ZNF433: variants seen among roughly 807,000 people sequenced by gnomAD.
The protein encoded by ZNF433 is zinc finger protein 433.
ZNF433 carries 12 observed loss-of-function variants against 10.6 expected under a neutral mutation model. The observed-to-expected ratio is 1.13, with a 90% CI of 0.72 to 1.83. The LOEUF (loss-of-function observed/expected upper bound fraction) is 1.83. Ranked by LOEUF, ZNF433 falls within the 40% of genes most tolerant of loss-of-function variation. The probability of loss-of-function intolerance (pLI) is 0.00; values close to 1 mark genes in which losing one functional copy is unlikely to be tolerated. For missense variants in ZNF433, 737 were observed against 798.0 expected, an observed-to-expected ratio of 0.92 and a Z score of 0.92; for synonymous variants, 272 against 271.3, an observed-to-expected ratio of 1.00 and a Z score of -0.02.
Position 12,016,356 on chromosome 19 carries a change from C to T in ZNF433, c.502G>A (p.Val168Ile). The change falls in exon 4 of 4, where the codon GTT becomes ATT. Residue 168 changes from valine to isoleucine, a missense_variant. By Grantham distance (29) the Val-to-Ile change is conservative. Coordinates refer to ENST00000550507, the MANE Select transcript of ZNF433 (RefSeq NM_001308348.2). ...AATGTTTTTCCGCATTCCTCACAAA[C>T]ATAGAGTTTCCTTCCACTATGAGCC... ...ERAHSGRKLY[V>I]CEECGKTFIS... 2 of 1,614,180 alleles carry T rather than the reference C, an allele frequency of 1.2e-6. No homozygotes were observed. Among genetic ancestry groups the T allele is most frequent in the Non-Finnish European group, 1.7e-6 (2 of 1,180,020 alleles).
At position 12,016,009 on chromosome 19, in the gene ZNF433, C is replaced by G. The variant is rs766188864; in HGVS notation, c.849G>C (p.Gln283His). 1 of 1,613,460 alleles carries G rather than the reference C, an allele frequency of 6.2e-7. No individual in the cohort carries two copies. The highest frequency in any genetic ancestry group is 1.1e-5 in the South Asian group (1 of 91,044). Reference protein sequence around the residue: ...HTGEKPYECKQCGKAFSSSHS... With the variant: ...HTGEKPYECKHCGKAFSSSHS... ...GGGAAGAGCTGAAGGCTTTCCCACA[C>G]TGTTTACATTCATATGGCTTCTCCC... is the stretch of plus-strand genomic sequence containing the variant. Residue 283 changes from glutamine (Q) to histidine (H), a missense_variant, in exon 4 of 4, where the codon CAG (glutamine) becomes CAC (histidine). By Grantham distance (24) the Gln-to-His change is conservative. Coordinates refer to ENST00000550507, the MANE Select transcript of ZNF433 (RefSeq NM_001308348.2).
chr19:12,026,395 A>T (rs949226753), intron 1 of ZNF433: 35 of 299,438 alleles, frequency 1.2e-4, no homozygotes, highest in Middle Eastern at 1.2e-3. Context: ...TGGCAGAGAA[A>T]AACCTGAGAA....
chr19:12,028,593 C>T (rs1402676369), intron 1 of ZNF433, among the ~76,000 whole-genome samples: 1 of 152,218 alleles, frequency 6.6e-6, no homozygotes, highest in Non-Finnish European at 1.5e-5. Flanking sequence ...TATCAGTGCA[C>T]ATGGAAATAC....
rs763534522 is a variant in ZNF433, at chr19:12,016,626, G to A, written c.232C>T (p.Gln78Ter). 5 of 1,613,994 alleles carry A rather than the reference G, an allele frequency of 3.1e-6. No individual in the cohort carries two copies. Among genetic ancestry groups the A allele is most frequent in the Non-Finnish European group, 3.4e-6 (4 of 1,180,014 alleles). ...ACCTGGGTCAAAATTTCTCCATGCT[G>A]ATGACCTTCTTTACTTTCAAAGAGT... ...ERLFESKEGH[Q>*]HGEILTQVPD... Residue 78 changes from glutamine (Q) to a stop codon, truncating the protein, a stop_gained, in exon 4 of 4, where the codon CAG becomes TAG. Coordinates refer to ENST00000550507, the MANE Select transcript of ZNF433 (RefSeq NM_001308348.2). LOFTEE classifies it low-confidence loss of function (END_TRUNC).
At chr19:12,027,543 C>A (rs1255369870) in intron 1 of ZNF433, among the ~76,000 whole-genome samples, 1 of 152,208 alleles carries the variant, frequency 6.6e-6, no homozygotes, top group Non-Finnish European at 1.5e-5. Context: ...GCAATCTGGG[C>A]CTTAAGGACA....
At chr19:12,031,939 CTT>C (rs1323007506) in intron 1 of ZNF433, among the ~76,000 whole-genome samples, 1 of 126,998 alleles carries the variant, frequency 7.9e-6, no homozygotes, top group Non-Finnish European at 1.7e-5. Flanking sequence ...TTTTCTTTCT[CTT>C]TTTCTTTTTT....
chr19:12,026,178 G>C (rs1175868112), intron 1 of ZNF433: 1 of 156,128 alleles, frequency 6.4e-6, no homozygotes, highest in African/African-American at 2.4e-5. Flanking sequence ...TAGAGGTTAT[G>C]CTTGTGTTTC....
At chr19:12,027,319 A>G (rs1331639637) in intron 1 of ZNF433, 1 of 318,016 alleles carries the variant, frequency 3.1e-6, no homozygotes, top group Admixed American at 4.9e-5. Context: ...CTTTGCTTTT[A>G]TTGTCTTGCA....
rs1328621968 is a variant in ZNF433, at chr19:12,026,547, A to G, written c.4-8255T>C. ...GCATATTTATCAATCTTGGCTGGCA[A>G]TAATGCCTGGATGTGATCACTCTAT... is the stretch of plus-strand genomic sequence containing the variant. On this transcript the variant is annotated intron_variant, in intron 1 of 3. Transcript: ENST00000550507. The G allele has an allele frequency of 5.6e-5, 20 of 356,468 alleles. No homozygotes were observed. The Admixed American group carries it at 6.9e-4, about 12-fold the overall frequency. 22.1% of individuals were successfully genotyped at this position (356,468 alleles called of 1,614,324 possible). A position where few individuals can be genotyped will look rare whatever the true frequency, so the allele number is the denominator to read the frequency against.
chr19:12,022,529 G>C (rs1051784392), intron 1 of ZNF433, among the ~76,000 whole-genome samples: 2 of 152,100 alleles, frequency 1.3e-5, no homozygotes, highest in Admixed American at 1.3e-4. Context: ...TACATGTGTG[G>C]GTCTTGAACC....
In ZNF433 at chr19:12,016,225, A is replaced by T; in HGVS notation, c.633T>A (p.Leu211=). Reference sequence around the variant, plus strand: ...CTCCAGTGTGAGTTCGTTTGTGGATAAGATACAAACTGAGAAACATCAAGG... The same window carrying T: ...CTCCAGTGTGAGTTCGTTTGTGGATTAGATACAAACTGAGAAACATCAAGG... ...GKALMFLSLY[L]IHKRTHTGEK... is the part of the protein sequence containing the mutation. Residue 211 remains leucine (L), a synonymous_variant, in exon 4 of 4, where the codon CTT becomes CTA. Coordinates refer to ENST00000550507, the MANE Select transcript of ZNF433 (RefSeq NM_001308348.2). The T allele has an allele frequency of 6.2e-7, 1 of 1,614,198 alleles. No individual in the cohort carries two copies. The highest frequency in any genetic ancestry group is 1.3e-5 in the African/African-American group (1 of 75,044).
At chr19:12,023,815 A>T (rs1186461660) in intron 1 of ZNF433, 1 of 152,168 alleles carries the variant, frequency 6.6e-6, no homozygotes. Flanking sequence ...TTTTACTGCA[A>T]CAATGGGGAG....
At position 12,016,121 on chromosome 19, in the gene ZNF433, G is replaced by A. The variant is rs780421586; in HGVS notation, c.737C>T (p.Thr246Ile). Residue 246 changes from threonine (T) to isoleucine (I), a missense_variant, in exon 4 of 4, where the codon ACT (threonine) becomes ATT (isoleucine). Transcript: ENST00000550507. ...ATTACATTTATAAGGCTTCTCCCCA[G>A]TGTGAGTTCTTTCATGTATTCGAAG... ...SSLRIHERTH[T>I]GEKPYKCNEC... is the part of the protein sequence containing the mutation. 1.2e-6 allele frequency: 2 copies of A among 1,614,192 alleles called. No homozygotes were observed. Among genetic ancestry groups the A allele is most frequent in the Non-Finnish European group, 1.7e-6 (2 of 1,180,034 alleles).
chr19:12,017,198 TTTTTG>T (rs1245699759), intron 3 of ZNF433, among the ~76,000 whole-genome samples: 4 of 151,854 alleles, frequency 2.6e-5, no homozygotes, highest in East Asian at 1.9e-4. Flanking sequence ...TTTTTGGTTT[TTTTTG>T]TTTTGTTTTG....
At chr19:12,020,357 GC>G (rs1445541142) in intron 1 of ZNF433, among the ~76,000 whole-genome samples, 1 of 152,122 alleles carries the variant, frequency 6.6e-6, no homozygotes, top group Non-Finnish European at 1.5e-5. Context: ...ATGAAGTGGT[GC>G]TCAACATCAG....
At chr19:12,031,121 C>A (rs922169559) in intron 1 of ZNF433, among the ~76,000 whole-genome samples, 1 of 151,872 alleles carries the variant, frequency 6.6e-6, no homozygotes, top group South Asian at 2.1e-4. Flanking sequence ...CACGGTGAAA[C>A]CCCGTCTCTA....
At chr19:12,024,581 C>T (rs930276217) in intron 1 of ZNF433, 19 of 152,216 alleles carry the variant, frequency 1.2e-4, no homozygotes, top group African/African-American at 4.6e-4. Flanking sequence ...TAGAGGAGAT[C>T]CTAGTCTCAC....
At chr19:12,028,870 T>C (rs1813671237) in intron 1 of ZNF433, among the ~76,000 whole-genome samples, 1 of 152,124 alleles carries the variant, frequency 6.6e-6, no homozygotes, top group African/African-American at 2.4e-5. Flanking sequence ...TTCTTAATTT[T>C]TGTGAAGACG....
At position 12,014,807 on chromosome 19, in the gene ZNF433, T is replaced by C. The variant is rs1349984071; in HGVS notation, c.*38A>G. On this transcript the variant is annotated 3_prime_UTR_variant, in exon 4 of 4. Transcript: ENST00000550507. Reference sequence around the variant, plus strand: ...CAGGCTGGTCTTGAACTCCTGGGCTTAAGCAGTCCCCCCACCTCAGCCTCC... The same window carrying C: ...CAGGCTGGTCTTGAACTCCTGGGCTCAAGCAGTCCCCCCACCTCAGCCTCC... The C allele has an allele frequency of 2.7e-6, 4 of 1,468,588 alleles. No individual in the cohort carries two copies. Among genetic ancestry groups the C allele is most frequent in the South Asian group, 1.4e-5 (1 of 71,732 alleles). 91.0% of individuals were successfully genotyped at this position (1,468,588 alleles called of 1,614,324 possible). A position where few individuals can be genotyped will look rare whatever the true frequency, so the allele number is the denominator to read the frequency against.
Sources: allele counts gnomAD v4.1 joint callset (sites outside exome capture counted in the v4.1 genomes callset), GRCh38; gene constraint gnomAD v4.1.1; transcripts MANE v1.5; gene names NCBI Gene and HGNC (gene_info 2026-07-23, HGNC 2026-07-21).